ZNF326: variants seen among roughly 807,000 people sequenced by gnomAD.
ZNF326 encodes the protein zinc finger protein 326, also known as DBIRD complex subunit ZNF326.
Under a neutral mutation model 63.1 loss-of-function variants are expected in ZNF326, and 30 were observed. The ratio of observed to expected loss-of-function variants is 0.48; its 90% CI spans 0.36 to 0.64. The LOEUF (loss-of-function observed/expected upper bound fraction) is 0.64. ZNF326 is among the 30% of genes least tolerant of loss of function. The pLI, the probability that ZNF326 is intolerant of heterozygous loss-of-function variation, is 0.00. For missense variants in ZNF326, 609 were observed against 720.3 expected (o/e 0.85, Z 1.77); for synonymous variants, 194 against 228.2 (o/e 0.85, Z 1.35).
chr1:89,999,364 G>A (rs1648557667), intron 2 of ZNF326, among the ~76,000 whole-genome samples: 1 of 151,590 alleles, frequency 6.6e-6, no homozygotes, highest in Admixed American at 6.6e-5. Context: ...GGGAGGGGGA[G>A]AGGGAGAGAG....
chr1:90,021,067 G>GTA, intron 10 of ZNF326, 145 bp downstream of exon 10: 1 of 858,430 alleles, frequency 1.2e-6, no homozygotes, highest in Non-Finnish European at 1.8e-6. Context: ...CAGAGAGGCA[G>GTA]TATATAGTGG....
intron 2 of ZNF326, among the ~76,000 whole-genome samples, chr1:89,999,508 T>C (rs1648565862): frequency 6.6e-6 from 1 of 152,224 alleles, no homozygotes; most frequent in African/African-American, 2.4e-5. Context: ...CAAAAAGATC[T>C]AATATGACTT....
At chr1:90,002,996 T>G (rs546819467) in intron 2 of ZNF326, among the ~76,000 whole-genome samples, 1 of 152,294 alleles carries the variant, frequency 6.6e-6, no homozygotes, top group East Asian at 1.9e-4. Context: ...CTTTAAGTAT[T>G]GGGAAGGTGT....
chr1:90,013,105 C>A (rs773051319), intron 6 of ZNF326, 21 bp from the exon 7 acceptor site: 1 of 1,587,842 alleles, frequency 6.3e-7, no homozygotes, highest in East Asian at 2.2e-5. Flanking sequence ...TTAGCTTTTA[C>A]TTTTTTGTGT....
intron 6 of ZNF326, among the ~76,000 whole-genome samples, chr1:90,010,714 A>G (rs537186712): frequency 1.3e-5 from 2 of 152,194 alleles, no homozygotes; most frequent in African/African-American, 2.4e-5. Context: ...ATTTTAAAAT[A>G]ACTTTTTCCC....
At position 90,005,015 on chromosome 1, in the gene ZNF326, A is replaced by T. The variant is rs886435165; in HGVS notation, c.74A>T (p.Asp25Val). The T allele has an allele frequency of 1.2e-6, 2 of 1,613,890 alleles. No homozygotes were observed. The highest frequency in any genetic ancestry group is 1.7e-6 in the Non-Finnish European group (2 of 1,179,984). ...TYQGFNGMDR[D>V]YGPGSYGGMD... ...GACTCTCTTTTAGGAATGGATCGTG[A>T]TTATGGCCCTGGATCTTATGGAGGT... Residue 25 changes from aspartate (D) to valine (V), a missense_variant, in exon 3 of 12, where the codon GAT (aspartate) becomes GTT (valine). Physicochemically the swap from Asp to Val is radical, Grantham distance 152 (BLOSUM62 -3). This residue lies in a region of ZNF326 where 97 missense variants were observed against 88.7 expected (regional missense o/e 1.09). Transcript: ENST00000340281.
At chr1:90,016,286 G>T (rs557452020) in intron 7 of ZNF326, among the ~76,000 whole-genome samples, 50 of 152,062 alleles carry the variant, frequency 3.3e-4, no homozygotes, top group Admixed American at 6.5e-4. Context: ...TCAGCAGTTG[G>T]CTCCAGAGCT....
Position 90,013,164 on chromosome 1 carries a change from C to G in ZNF326, c.853C>G (p.Arg285Gly). The G allele has an allele frequency of 6.2e-7, 1 of 1,611,846 alleles. No homozygotes were observed. The highest frequency in any genetic ancestry group is 2.2e-5 in the East Asian group (1 of 44,764). Residue 285 changes from arginine (R) to glycine (G), a missense_variant, in exon 7 of 12, where the codon CGA becomes GGA. Arg to Gly is a moderately radical substitution (Grantham distance 125, BLOSUM62 -2). Transcript: ENST00000340281. The part of the protein sequence containing the change: ...DPKNEEEEKR[R>G]IEARREKQRR... ...TAAAAATGAAGAGGAAGAAAAGCGG[C>G]GAATTGAGGCTCGGCGAGAGAAACA...
chr1:90,002,672 G>A (rs1295346378), intron 2 of ZNF326, among the ~76,000 whole-genome samples: 1 of 152,088 alleles, frequency 6.6e-6, no homozygotes, highest in Non-Finnish European at 1.5e-5. Context: ...CTTAAAACAT[G>A]GATAGTTTGA....
chr1:89,998,726 A>T (rs1276627233), intron 2 of ZNF326, among the ~76,000 whole-genome samples: 1 of 152,182 alleles, frequency 6.6e-6, no homozygotes, highest in Non-Finnish European at 1.5e-5. Context: ...TGTCATTTTG[A>T]TAGTTATTAG....
intron 5 of ZNF326, among the ~76,000 whole-genome samples, chr1:90,008,165 TCTAG>T (rs1352902317): frequency 9.2e-5 from 14 of 152,336 alleles, no homozygotes; most frequent in Middle Eastern, 3.4e-3. Flanking sequence ...GTGGCTAAAC[TCTAG>T]CAAGTAGAAT....
chr1:90,024,615 CTT>C (rs1491279757), intron 11 of ZNF326, among the ~76,000 whole-genome samples: 3 of 151,496 alleles, frequency 2.0e-5, no homozygotes, highest in Non-Finnish European at 2.9e-5. Flanking sequence ...TATTCTTTTT[CTT>C]ATATATATAT....
At chr1:90,013,326 T>A in intron 7 of ZNF326, 89 bp downstream of exon 7, 1 of 1,020,812 alleles carries the variant, frequency 9.8e-7, no homozygotes, top group Non-Finnish European at 1.4e-6. Context: ...AAAAAGTTCT[T>A]AAGATTCAAA....
chr1:90,013,046 A>G (rs1321482826), intron 6 of ZNF326, 80 bp from the exon 7 acceptor site: 7 of 1,212,042 alleles, frequency 5.8e-6, no homozygotes, highest in Non-Finnish European at 8.0e-6. Context: ...CCTCATAAGT[A>G]TGTACTTTAC....
intron 9 of ZNF326, among the ~76,000 whole-genome samples, chr1:90,020,366 C>T (rs1262920914): frequency 6.6e-6 from 1 of 151,920 alleles, no homozygotes; most frequent in Non-Finnish European, 1.5e-5. Context: ...TGTAATAAAC[C>T]CCGGTCACCA....
At chr1:90,017,501 GAT>G in intron 8 of ZNF326, 37 bp downstream of exon 8, 1 of 1,536,472 alleles carries the variant, frequency 6.5e-7, no homozygotes, top group Non-Finnish European at 8.7e-7. Flanking sequence ...GCATTTTATT[GAT>G]ATGAATTTCT....
chr1:90,011,538 T>A (rs988449428), intron 6 of ZNF326, among the ~76,000 whole-genome samples: 123 of 122,636 alleles, frequency 1.0e-3, no homozygotes, highest in Non-Finnish European at 1.9e-3. Context: ...TTTTTTTTTT[T>A]AAGTATAAAG....
intron 9 of ZNF326, among the ~76,000 whole-genome samples, chr1:90,019,331 T>C (rs1649652793): frequency 6.6e-6 from 1 of 152,174 alleles, no homozygotes; most frequent in African/African-American, 2.4e-5. Context: ...ATTCTCTGCT[T>C]CTTCATCTCC....
intron 7 of ZNF326, among the ~76,000 whole-genome samples, chr1:90,013,834 C>A (rs1032345198): frequency 1.3e-5 from 2 of 151,876 alleles, no homozygotes; most frequent in Admixed American, 1.3e-4. Context: ...GAGGCCGAGG[C>A]GGGCAGATCA....
Sources: allele counts gnomAD v4.1 joint callset (sites outside exome capture counted in the v4.1 genomes callset), GRCh38; gene constraint gnomAD v4.1.1; regional missense constraint gnomAD v4.1.1; transcripts MANE v1.5; gene names NCBI Gene and HGNC (gene_info 2026-07-23, HGNC 2026-07-21).